Variants in DCDC2 observed in about 807,000 individuals in gnomAD.
The protein encoded by DCDC2 is doublecortin domain containing 2, also known as doublecortin domain-containing protein 2.
In DCDC2, 40 loss-of-function variants were observed where a neutral mutation model predicts 50.2. That is an observed-to-expected ratio of 0.80 (90% CI 0.62 to 1.04). DCDC2 has a LOEUF of 1.04. Ranked by LOEUF, DCDC2 falls within the 50% of genes least tolerant of loss-of-function variation. The probability of loss-of-function intolerance (pLI) is 0.00; values close to 1 mark genes in which losing one functional copy is unlikely to be tolerated. For synonymous variants in DCDC2, 234 were observed against 210.6 expected (o/e 1.11, Z -0.96); for missense variants, 570 against 581.9 (o/e 0.98, Z 0.21).
At chr6:24,297,286 A>C (rs1271918315) in intron 4 of DCDC2, among the ~76,000 whole-genome samples, 1 of 151,874 alleles carries the variant, frequency 6.6e-6, no homozygotes, top group Non-Finnish European at 1.5e-5. Flanking sequence ...AAAGAGAAGA[A>C]CAACAGGCAC....
intron 8 of DCDC2, among the ~76,000 whole-genome samples, chr6:24,204,224 C>G (rs1052147503): frequency 2.0e-5 from 3 of 152,242 alleles, no homozygotes; most frequent in African/African-American, 7.2e-5. Context: ...ATAGCAAAGA[C>G]TTGGAACCAA....
At chr6:24,348,910 C>T (rs1341702162) in intron 2 of DCDC2, among the ~76,000 whole-genome samples, 2 of 152,168 alleles carry the variant, frequency 1.3e-5, no homozygotes, top group African/African-American at 4.8e-5. Flanking sequence ...TAGCACAGTT[C>T]CCAGCCCATC....
At chr6:24,242,125 G>T (rs1454107115) in intron 7 of DCDC2, among the ~76,000 whole-genome samples, 1 of 152,152 alleles carries the variant, frequency 6.6e-6, no homozygotes, top group Non-Finnish European at 1.5e-5. Context: ...CATGAGCTAT[G>T]ATTGCACCAC....
intron 4 of DCDC2, among the ~76,000 whole-genome samples, chr6:24,296,172 G>A (rs1197159384): frequency 6.6e-6 from 1 of 151,982 alleles, no homozygotes; most frequent in Non-Finnish European, 1.5e-5. Flanking sequence ...AAATAACACA[G>A]TACACCTACT....
At chr6:24,257,934 T>C (rs1561746340) in intron 7 of DCDC2, among the ~76,000 whole-genome samples, 1 of 152,046 alleles carries the variant, frequency 6.6e-6, no homozygotes, top group East Asian at 1.9e-4. Context: ...AAATTAGCTC[T>C]GATTGAGTGT....
intron 2 of DCDC2, among the ~76,000 whole-genome samples, chr6:24,341,182 T>G (rs1239732165): frequency 6.6e-6 from 1 of 152,210 alleles, no homozygotes; most frequent in Non-Finnish European, 1.5e-5. Flanking sequence ...GATTGCCATT[T>G]GAGATTTCCT....
intron 2 of DCDC2, among the ~76,000 whole-genome samples, chr6:24,337,337 A>C (rs1474861666): frequency 2.0e-5 from 3 of 152,186 alleles, no homozygotes; most frequent in African/African-American, 7.2e-5. Flanking sequence ...CCTTTTTATA[A>C]GCAGATATGC....
intron 8 of DCDC2, among the ~76,000 whole-genome samples, chr6:24,193,960 T>C (rs1761366487): frequency 6.6e-6 from 1 of 152,138 alleles, no homozygotes; most frequent in African/African-American, 2.4e-5. Flanking sequence ...TCCATTCTTT[T>C]ATGTCATCTA....
At chr6:24,187,835 A>G (rs1761237253) in intron 8 of DCDC2, among the ~76,000 whole-genome samples, 1 of 152,326 alleles carries the variant, frequency 6.6e-6, no homozygotes, top group Middle Eastern at 3.4e-3. Context: ...TAAGCACGTC[A>G]TATGCATAAT....
intron 7 of DCDC2, among the ~76,000 whole-genome samples, chr6:24,227,148 T>C (rs1396996016): frequency 1.3e-5 from 2 of 152,310 alleles, no homozygotes; most frequent in East Asian, 1.9e-4. Flanking sequence ...TTTGAGAAGA[T>C]GGCAGTGTAC....
the DCDC2 span, among the ~76,000 whole-genome samples, chr6:24,364,860 G>A: frequency 2.0e-4 from 31 of 152,194 alleles, no homozygotes; most frequent in African/African-American, 7.0e-4. Flanking sequence ...AGCTCTCTTA[G>A]CCAGTATTGA....
chr6:24,334,261 C>T (rs1445246237), intron 2 of DCDC2, among the ~76,000 whole-genome samples: 1 of 152,162 alleles, frequency 6.6e-6, no homozygotes, highest in South Asian at 2.1e-4. Context: ...CATGGGTATA[C>T]TTACTGGAAA....
intron 5 of DCDC2, 71 bp downstream of exon 5, chr6:24,290,860 TG>T: frequency 7.8e-7 from 1 of 1,276,498 alleles, no homozygotes; most frequent in Non-Finnish European, 1.1e-6. Context: ...AATATAATGG[TG>T]GTCAGCAAAA....
At chr6:24,268,883 T>A (rs1395532628) in intron 7 of DCDC2, among the ~76,000 whole-genome samples, 1 of 152,200 alleles carries the variant, frequency 6.6e-6, no homozygotes, top group Non-Finnish European at 1.5e-5. Context: ...CTTTATTATG[T>A]AATTTTAAAG....
At chr6:24,276,385 G>A (rs916887305) in intron 7 of DCDC2, among the ~76,000 whole-genome samples, 3 of 143,694 alleles carry the variant, frequency 2.1e-5, no homozygotes, top group African/African-American at 5.0e-5. Flanking sequence ...CAGAAAAGAA[G>A]CAAATAACAT....
intron 4 of DCDC2, among the ~76,000 whole-genome samples, chr6:24,293,439 G>A (rs1382995649): frequency 2.0e-5 from 3 of 152,130 alleles, no homozygotes; most frequent in African/African-American, 7.2e-5. Flanking sequence ...TATCCCAAGA[G>A]AGCAGCAACC....
intron 2 of DCDC2, among the ~76,000 whole-genome samples, chr6:24,308,019 T>C (rs1403422590): frequency 6.6e-6 from 1 of 152,056 alleles, no homozygotes; most frequent in Non-Finnish European, 1.5e-5. Flanking sequence ...GGAATAAACC[T>C]CCATAGACAG....
chr6:24,236,503 A>C (rs562468430), intron 7 of DCDC2, among the ~76,000 whole-genome samples: 1 of 152,356 alleles, frequency 6.6e-6, no homozygotes, highest in Non-Finnish European at 1.5e-5. Context: ...TTTATGGCTA[A>C]ATCCTCAAAA....
intron 7 of DCDC2, among the ~76,000 whole-genome samples, chr6:24,213,816 T>A (rs558640689): frequency 4.6e-5 from 7 of 152,226 alleles, no homozygotes; most frequent in African/African-American, 1.7e-4. Context: ...TCTCCTGGGA[T>A]CCCTGTCACA....
Sources: allele counts gnomAD v4.1 joint callset (sites outside exome capture counted in the v4.1 genomes callset), GRCh38; gene constraint gnomAD v4.1.1; transcripts MANE v1.5; gene names NCBI Gene and HGNC (gene_info 2026-07-23, HGNC 2026-07-21).